The following RGS22 variants were observed in gnomAD, a reference collection of about 807,000 sequenced individuals.
RGS22 encodes regulator of G-protein signaling 22.
RGS22 carries 148 observed loss-of-function variants against 172.9 expected under a neutral mutation model. That is an observed-to-expected ratio of 0.86 (90% CI 0.75 to 0.98). RGS22 has a LOEUF of 0.98. Ranked by LOEUF, RGS22 falls within the 50% of genes least tolerant of loss-of-function variation. The pLI is 0.00. For synonymous variants in RGS22, 458 were observed against 480.2 expected, an observed-to-expected ratio of 0.95 and a Z score of 0.60; for missense variants, 1,347 against 1,440.8, an observed-to-expected ratio of 0.93 and a Z score of 1.05.
chr8:100,018,345 T>C (rs1817233277), intron 14 of RGS22, among the ~76,000 whole-genome samples: 1 of 151,848 alleles, frequency 6.6e-6, no homozygotes, highest in Admixed American at 6.6e-5. Flanking sequence ...AGAAAAAAGA[T>C]GTAGGATGGA....
At chr8:100,097,572 T>G (rs550990509) in intron 2 of RGS22, among the ~76,000 whole-genome samples, 1 of 152,226 alleles carries the variant, frequency 6.6e-6, no homozygotes, top group Non-Finnish European at 1.5e-5. Context: ...AATTTTTTCC[T>G]AGTAAAATGT....
intron 10 of RGS22, among the ~76,000 whole-genome samples, chr8:100,047,890 G>A (rs572113272): frequency 3.5e-4 from 53 of 152,070 alleles, no homozygotes; most frequent in African/African-American, 1.1e-3. Flanking sequence ...TTGTAAAAAC[G>A]ATTCTTTATT....
Position 100,040,031 on chromosome 8 carries a change from C to G in RGS22, c.1995G>C (p.Leu665Phe). 1 of 1,609,312 alleles carries G rather than the reference C, an allele frequency of 6.2e-7. No individual in the cohort carries two copies. The highest frequency in any genetic ancestry group is 8.5e-7 in the Non-Finnish European group (1 of 1,178,196). Reference protein sequence around the residue: ...ALGGSDMENLLQSLYVENRAG... With the variant: ...ALGGSDMENLFQSLYVENRAG... ...CTCTATTTTCTACATACAAAGATTG[C>G]AACAAATTTTCCATGTCAGATCCTC... The change falls in exon 13 of 28, where the codon TTG (leucine) becomes TTC (phenylalanine). Residue 665 changes from leucine (L) to phenylalanine (F), a missense_variant. Leu to Phe is a conservative substitution (Grantham distance 22). Transcript: ENST00000360863.
At chr8:100,093,255 A>G (rs545721671) in intron 3 of RGS22, 192 bp downstream of exon 3, 1 of 481,172 alleles carries the variant, frequency 2.1e-6, no homozygotes, top group Non-Finnish European at 3.7e-6. Context: ...AGATTTCTTC[A>G]ATAAGAATAA....
At chr8:100,012,902 T>C (rs896183939) in intron 14 of RGS22, among the ~76,000 whole-genome samples, 41 of 151,830 alleles carry the variant, frequency 2.7e-4, no homozygotes, top group African/African-American at 9.2e-4. Context: ...ATGTGCTACA[T>C]ATCAAATTCT....
chr8:99,970,278 T>C (rs1811193629), intron 23 of RGS22, among the ~76,000 whole-genome samples: 1 of 151,594 alleles, frequency 6.6e-6, no homozygotes, highest in Non-Finnish European at 1.5e-5. Flanking sequence ...CATCAGAAAA[T>C]GGGAAAGATC....
At chr8:99,961,521 G>A (rs972024682) in intron 27 of RGS22, among the ~76,000 whole-genome samples, 2 of 152,150 alleles carry the variant, frequency 1.3e-5, no homozygotes, top group Non-Finnish European at 2.9e-5. Context: ...AGAAGGACAT[G>A]TTTGCTTCCC....
intron 9 of RGS22, among the ~76,000 whole-genome samples, chr8:100,056,909 C>T (rs1463524618): frequency 6.6e-6 from 1 of 152,216 alleles, no homozygotes; most frequent in East Asian, 1.9e-4. Flanking sequence ...ATCCTCCAGA[C>T]CCCGGAATGG....
chr8:100,027,080 G>C (rs187502550), intron 14 of RGS22, among the ~76,000 whole-genome samples: 88 of 152,166 alleles, frequency 5.8e-4, no homozygotes, highest in Admixed American at 4.5e-3. Context: ...CATTAGCTGG[G>C]GCTGGTGGTG....
At chr8:100,062,095 G>C (rs1361203404) in intron 9 of RGS22, among the ~76,000 whole-genome samples, 1 of 152,022 alleles carries the variant, frequency 6.6e-6, no homozygotes, top group Non-Finnish European at 1.5e-5. Flanking sequence ...GGAGCTAAAT[G>C]ATGAGAACAC....
At chr8:99,998,819 C>T (rs1814671462) in intron 19 of RGS22, among the ~76,000 whole-genome samples, 1 of 151,968 alleles carries the variant, frequency 6.6e-6, no homozygotes, top group South Asian at 2.1e-4. Context: ...GTGCATGCCA[C>T]CACACGTGGC....
At chr8:100,009,732 T>C (rs1816160462) in intron 14 of RGS22, among the ~76,000 whole-genome samples, 1 of 152,224 alleles carries the variant, frequency 6.6e-6, no homozygotes, top group South Asian at 2.1e-4. Flanking sequence ...CAGATACAGA[T>C]ATAAATTTGT....
chr8:100,092,374 G>GT (rs955157912), intron 3 of RGS22, among the ~76,000 whole-genome samples: 2 of 152,004 alleles, frequency 1.3e-5, no homozygotes, highest in Non-Finnish European at 2.9e-5. Flanking sequence ...GTTTGAATGT[G>GT]TCCCCCAAAT....
At chr8:100,037,128 T>G (rs1356529319) in intron 14 of RGS22, among the ~76,000 whole-genome samples, 5 of 152,012 alleles carry the variant, frequency 3.3e-5, no homozygotes, top group African/African-American at 4.8e-5. Flanking sequence ...TTTAGACAAT[T>G]GCTCCTGTAA....
intron 23 of RGS22, among the ~76,000 whole-genome samples, chr8:99,973,974 GCA>G (rs1811653893): frequency 1.3e-5 from 2 of 151,802 alleles, no homozygotes; most frequent in South Asian, 4.2e-4. Context: ...CGCACGTTAC[GCA>G]CATGTATCCT....
rs527775461 is a variant in RGS22 at position 100,026,175 on chromosome 8, C to T, written c.2166+12756G>A. Among the ~76,000 whole-genome samples, 463 of 152,264 alleles carry T rather than the reference C, an allele frequency of 3.0e-3. 2 individuals are homozygous for T. The highest frequency in any genetic ancestry group is 5.1e-3 in the Non-Finnish European group (345 of 68,018). On this transcript the variant is annotated intron_variant, in intron 14 of 27. Coordinates refer to ENST00000360863, the MANE Select transcript of RGS22 (RefSeq NM_015668.5). ...AAAGCAGGAGCAAAGGGGACAAATA[C>T]ATAGACATACTCAGAGAACCTTAAG...
chr8:99,983,267 G>A (rs990206275), intron 21 of RGS22, among the ~76,000 whole-genome samples: 4 of 152,146 alleles, frequency 2.6e-5, no homozygotes, highest in Non-Finnish European at 5.9e-5. Context: ...ATGAACATAT[G>A]TGTACATTTA....
intron 23 of RGS22, among the ~76,000 whole-genome samples, chr8:99,977,034 A>T (rs1475120295): frequency 6.6e-6 from 1 of 152,182 alleles, no homozygotes; most frequent in Non-Finnish European, 1.5e-5. Context: ...GAATGAACGG[A>T]CAGATAGTAG....
Position 100,063,626 on chromosome 8 carries a change from TC to T in RGS22, c.1141del (p.Glu381AsnfsTer5), listed in dbSNP as rs2131794320. 2 of 1,614,148 alleles carry T rather than the reference TC, an allele frequency of 1.2e-6. No individual in the cohort carries two copies. Among genetic ancestry groups the T allele is most frequent in the Non-Finnish European group, 8.5e-7 (1 of 1,180,010 alleles). On this transcript the variant is annotated frameshift_variant, in exon 8 of 28. Coordinates refer to ENST00000360863, the MANE Select transcript of RGS22 (RefSeq NM_015668.5). LOFTEE classifies it high-confidence loss of function. ...QTTKERSEEI[E>X]QTSLSSKNES... ...ATTCTTTGAACTTAAACTTGTTTGT[TC>T]TATCTCTTCTGACCTCTCCTTTGTA...
Sources: allele counts gnomAD v4.1 joint callset (sites outside exome capture counted in the v4.1 genomes callset), GRCh38; gene constraint gnomAD v4.1.1; transcripts MANE v1.5; gene names NCBI Gene and HGNC (gene_info 2026-07-23, HGNC 2026-07-21).